Variants in CUBN observed in about 807,000 individuals in gnomAD.
The protein encoded by CUBN is 460 kDa receptor.
A neutral mutation model predicts 405.3 loss-of-function variants in CUBN; 282 were observed. That is an observed-to-expected ratio of 0.70 (90% CI 0.63 to 0.77). CUBN has a LOEUF of 0.77. Among genes scored for constraint, CUBN ranks in the 30% least tolerant of loss-of-function variants. The pLI is 0.00. For missense variants in CUBN, 4,514 were observed against 4,475.2 expected (o/e 1.01, Z -0.25); for synonymous variants, 1,684 against 1,617.0 (o/e 1.04, Z -0.99).
At chr10:17,016,063 G>A (rs187011441) in intron 28 of CUBN, among the ~76,000 whole-genome samples, 3 of 152,230 alleles carry the variant, frequency 2.0e-5, no homozygotes, top group South Asian at 2.1e-4. Flanking sequence ...GCCCTCTCCT[G>A]ATATCTGCAG....
At chr10:17,021,510 T>A (rs1355309749) in intron 27 of CUBN, among the ~76,000 whole-genome samples, 2 of 152,224 alleles carry the variant, frequency 1.3e-5, no homozygotes, top group East Asian at 3.8e-4. Context: ...AATGGACTCA[T>A]GGATTTCCTC....
intron 4 of CUBN, 65 bp from the exon 5 acceptor site, chr10:17,123,754 C>T (rs774913704): frequency 6.5e-6 from 7 of 1,078,824 alleles, no homozygotes; most frequent in East Asian, 2.4e-5. Flanking sequence ...CGCATGTTAC[C>T]GTGCACGTGG....
intron 27 of CUBN, among the ~76,000 whole-genome samples, chr10:17,028,032 T>C (rs1247359175): frequency 6.6e-6 from 1 of 152,110 alleles, no homozygotes; most frequent in African/African-American, 2.4e-5. Context: ...CTTCAGATGT[T>C]CAGGGACTGA....
intron 56 of CUBN, among the ~76,000 whole-genome samples, chr10:16,882,255 G>A (rs374004008): frequency 1.6e-4 from 24 of 152,248 alleles, no homozygotes; most frequent in African/African-American, 5.3e-4. Context: ...TCATGGGACC[G>A]GGAACTCAGT....
intron 48 of CUBN, among the ~76,000 whole-genome samples, chr10:16,909,428 G>T (rs1375513693): frequency 6.6e-6 from 1 of 152,170 alleles, no homozygotes; most frequent in African/African-American, 2.4e-5. Flanking sequence ...CCAGAAAGAT[G>T]ATGTAATAAT....
chr10:16,901,910 TATATATATACAC>T (rs1268452593), intron 51 of CUBN, among the ~76,000 whole-genome samples: 1 of 83,866 alleles, frequency 1.2e-5, no homozygotes, highest in East Asian at 4.2e-4. Context: ...TATATATATA[TATATATATACAC>T]ACACACACAC....
chr10:17,122,901 GTGATCATA>G lies in CUBN; in HGVS notation c.490-11_490-4del. ...ACATCAGCTGAGCAGAGAGGACCCT[GTGATCATA>G]TAAGGAACAAAGTCAGGTGCCAAAG... On this transcript the variant is annotated splice_region_variant and splice_polypyrimidine_tract_variant and intron_variant, in intron 5 of 66. Coordinates refer to ENST00000377833, the MANE Select transcript of CUBN (RefSeq NM_001081.4). The G allele has an allele frequency of 1.9e-6, 3 of 1,609,194 alleles. No homozygotes were observed. The highest frequency in any genetic ancestry group is 2.6e-6 in the Non-Finnish European group (3 of 1,175,544).
At chr10:17,023,681 G>A in intron 27 of CUBN, 1 of 454,920 alleles carries the variant, frequency 2.2e-6, no homozygotes, top group Non-Finnish European at 4.4e-6. Context: ...CTTTTAGAGA[G>A]CCTGAAGATC....
At position 16,841,137 on chromosome 10, in the gene CUBN, C is replaced by T. The variant is rs1344053310; in HGVS notation, c.9664-90G>A. On this transcript the variant is annotated intron_variant, in intron 60 of 66. Transcript: ENST00000377833. Reference sequence around the variant, plus strand: ...TTGGACGCGAAGTTGCAATAGGTCACGGTAAACATTTTTACATTGATTTTC... The same window carrying T: ...TTGGACGCGAAGTTGCAATAGGTCATGGTAAACATTTTTACATTGATTTTC... The T allele has an allele frequency of 3.1e-5, 33 of 1,067,760 alleles. 1 individual carries two copies. The highest frequency in any genetic ancestry group is 2.2e-4 in the Middle Eastern group (1 of 4,454). The allele number at this position is 1,067,760 out of a possible 1,614,324, so 66.1% of individuals were successfully genotyped here. A position where few individuals can be genotyped will look rare whatever the true frequency, so the allele number is the denominator to read the frequency against.
At chr10:17,052,638 TAGTCCC>T (rs1835295761) in intron 22 of CUBN, among the ~76,000 whole-genome samples, 1 of 151,114 alleles carries the variant, frequency 6.6e-6, no homozygotes, top group South Asian at 2.1e-4. Context: ...TGCATGCCTG[TAGTCCC>T]AGCTACTCGG....
intron 48 of CUBN, among the ~76,000 whole-genome samples, chr10:16,908,784 A>G (rs1460192440): frequency 6.6e-6 from 1 of 152,098 alleles, no homozygotes; most frequent in South Asian, 2.1e-4. Context: ...AAGGATTTGA[A>G]TGACTCAAGA....
At chr10:16,940,009 T>A in intron 37 of CUBN, 23 bp downstream of exon 37, 1 of 1,572,910 alleles carries the variant, frequency 6.4e-7, no homozygotes, top group Non-Finnish European at 8.8e-7. Context: ...CTGGAAGCTA[T>A]CACTAAAATA....
chr10:17,010,946 A>T (rs1255565881), intron 28 of CUBN, among the ~76,000 whole-genome samples: 1 of 152,208 alleles, frequency 6.6e-6, no homozygotes, highest in Non-Finnish European at 1.5e-5. Flanking sequence ...CAGAATGTGA[A>T]CAATGTTAAG....
At chr10:17,064,188 G>C (rs1251369275) in intron 22 of CUBN, among the ~76,000 whole-genome samples, 1 of 152,172 alleles carries the variant, frequency 6.6e-6, no homozygotes, top group African/African-American at 2.4e-5. Context: ...TCCTACCTGG[G>C]AGAAAAGTAT....
intron 27 of CUBN, among the ~76,000 whole-genome samples, chr10:17,038,388 T>C (rs907378969): frequency 2.0e-5 from 3 of 152,158 alleles, no homozygotes; most frequent in African/African-American, 4.8e-5. Flanking sequence ...TTTAAGCAAA[T>C]GGTCCCTTCT....
At chr10:17,116,033 T>G (rs1165409530) in intron 6 of CUBN, among the ~76,000 whole-genome samples, 2 of 152,170 alleles carry the variant, frequency 1.3e-5, no homozygotes, top group African/African-American at 4.8e-5. Flanking sequence ...TCTCTAGGAT[T>G]ATATAACCCC....
At chr10:16,941,248 A>G (rs1234979743) in intron 36 of CUBN, among the ~76,000 whole-genome samples, 5 of 151,902 alleles carry the variant, frequency 3.3e-5, no homozygotes, top group African/African-American at 1.2e-4. Context: ...GCCAAGACAA[A>G]TCAAGGGGAA....
chr10:16,983,379 G>A (rs1543092), intron 30 of CUBN, among the ~76,000 whole-genome samples: 47,480 of 151,974 alleles, frequency 0.31, 8,269 homozygotes, highest in Middle Eastern at 0.43. Context: ...TGGCCATAAG[G>A]TAGTCTGGAA....
intron 14 of CUBN, among the ~76,000 whole-genome samples, chr10:17,096,074 C>A (rs1468083571): frequency 2.6e-5 from 4 of 151,918 alleles, no homozygotes; most frequent in Non-Finnish European, 5.9e-5. Context: ...TATGTGAAAT[C>A]TAAAAAAAGT....
Sources: gnomAD v4.1 joint callset for allele counts (sites outside exome capture counted in the v4.1 genomes callset) on GRCh38, gnomAD v4.1.1 for gene constraint, MANE v1.5 for transcripts, NCBI Gene and HGNC (gene_info 2026-07-23, HGNC 2026-07-21) for gene names.